Variants in STAB2 observed in about 807,000 individuals in gnomAD.
The protein encoded by STAB2 is stabilin-2.
STAB2 carries 288 observed loss-of-function variants against 338.1 expected under a neutral mutation model. The observed-to-expected ratio is 0.85, with a 90% confidence interval of 0.77 to 0.94. The LOEUF (loss-of-function observed/expected upper bound fraction) is 0.94, where lower values mean the gene tolerates loss of function less well. STAB2 is among the 40% of genes least tolerant of loss of function. STAB2 has a pLI of 0.00. For missense variants in STAB2, 3,141 were observed against 3,210.1 expected, an observed-to-expected ratio of 0.98 and a Z score of 0.52; for synonymous variants, 1,202 against 1,193.3, an observed-to-expected ratio of 1.01 and a Z score of -0.15.
At chr12:103,621,587 C>T (rs1270640172) in intron 4 of STAB2, among the ~76,000 whole-genome samples, 2 of 152,108 alleles carry the variant, frequency 1.3e-5, no homozygotes, top group Non-Finnish European at 1.5e-5. Flanking sequence ...CAAAAATTAT[C>T]CGGGTGTGGT....
At position 103,631,501 on chromosome 12, in the gene STAB2, A is replaced by G. The variant is rs531410835; in HGVS notation, c.488-97A>G. On this transcript the variant is annotated intron_variant, in intron 5 of 68. Coordinates refer to ENST00000388887, the MANE Select transcript of STAB2 (RefSeq NM_017564.10). ...AGGAGCCAAAGTTCAAACAACATGC[A>G]GAGTCTCAGCAAAGATGATCTAAAA... The G allele has an allele frequency of 2.5e-6, 3 of 1,186,146 alleles. No homozygotes were observed. In the Admixed American group the frequency reaches 5.4e-5, roughly 21 times the overall value. 73.5% of individuals were successfully genotyped at this position (1,186,146 alleles called of 1,614,324 possible).
chr12:103,652,771 C>T (rs1169883289), intron 12 of STAB2, 66 bp downstream of exon 12: 33 of 1,432,564 alleles, frequency 2.3e-5, no homozygotes, highest in Non-Finnish European at 2.9e-5. Flanking sequence ...CCATATCCTT[C>T]TCTCTCTTTT....
intron 33 of STAB2, 22 bp from the exon 34 acceptor site, chr12:103,699,074 T>G (rs781033834): frequency 6.3e-7 from 1 of 1,599,602 alleles, no homozygotes; most frequent in Non-Finnish European, 8.5e-7. Context: ...TTGACTGACT[T>G]CCAATTCTGT....
At chr12:103,756,996 A>AATATATATATATATATATATAT (rs869105400) in intron 63 of STAB2, among the ~76,000 whole-genome samples, 11 of 56,334 alleles carry the variant, frequency 2.0e-4, no homozygotes, top group South Asian at 2.2e-3. Context: ...AAGGAGGGAA[A>AATATATATATATATATATATAT]ATATATATAT....
chr12:103,604,123 T>C (rs1489201316), intron 3 of STAB2, among the ~76,000 whole-genome samples: 1 of 152,172 alleles, frequency 6.6e-6, no homozygotes, highest in Non-Finnish European at 1.5e-5. Flanking sequence ...TTTGGAATTT[T>C]CTCCATAGAC....
At chr12:103,744,809 G>A (rs536899134) in intron 56 of STAB2, among the ~76,000 whole-genome samples, 14 of 152,094 alleles carry the variant, frequency 9.2e-5, no homozygotes, top group Non-Finnish European at 1.8e-4. Context: ...CCATCAGGAA[G>A]CCCCAGATGA....
chr12:103,675,104 G>A (rs1047565294), intron 23 of STAB2, among the ~76,000 whole-genome samples: 7 of 152,160 alleles, frequency 4.6e-5, no homozygotes, highest in Admixed American at 1.3e-4. Context: ...TTTTGTTCCT[G>A]TAGGAAGCTT....
At chr12:103,753,380 G>A (rs368414924) in intron 61 of STAB2, 27 bp downstream of exon 61, 8 of 1,614,040 alleles carry the variant, frequency 5.0e-6, no homozygotes, top group African/African-American at 2.7e-5. Context: ...CAGATTCTGT[G>A]CAGACAGAGT....
rs767678084 is a variant in STAB2, at chr12:103,762,407, G to C, written c.7488+5G>C. On this transcript the variant is annotated splice_donor_5th_base_variant and intron_variant, in intron 67 of 68. Transcript: ENST00000388887. ...ATCGGCTTCCAGCATTTTGAGGTAA[G>C]AGAGAAAAATGGGAACATGATGATG... 1 of 1,614,204 alleles carries C rather than the reference G, an allele frequency of 6.2e-7. No individual in the cohort carries two copies. The highest frequency in any genetic ancestry group is 1.1e-5 in the South Asian group (1 of 91,084).
intron 12 of STAB2, among the ~76,000 whole-genome samples, chr12:103,653,564 A>T (rs1444520009): frequency 6.6e-6 from 1 of 151,300 alleles, no homozygotes; most frequent in African/African-American, 2.4e-5. Context: ...GGATACATGG[A>T]TAGGTCACTG....
At chr12:103,710,162 C>T (rs1043873862) in intron 39 of STAB2, among the ~76,000 whole-genome samples, 2 of 152,310 alleles carry the variant, frequency 1.3e-5, no homozygotes, top group South Asian at 2.1e-4. Context: ...CACCCCAGCT[C>T]CTCCCCAGAA....
chr12:103,728,990 T>C lies in STAB2; in HGVS notation c.5077T>C (p.Ser1693Pro). 11 of 1,613,846 alleles carry C rather than the reference T, an allele frequency of 6.8e-6. No individual in the cohort carries two copies. Among genetic ancestry groups the C allele is most frequent in the Non-Finnish European group, 9.3e-6 (11 of 1,179,782 alleles). Residue 1693 changes from serine (S) to proline (P), a missense_variant, in exon 48 of 69, where the codon TCT becomes CCT. Transcript: ENST00000388887. ...LQGEPIVISV[S>P]QSTVYINNKA... ...AGGAGAGCCAATAGTCATCTCCGTC[T>C]CTCAGGTAGATGCCAGTTATCCTTA...
At chr12:103,636,828 TATC>T (rs2138682668) in intron 6 of STAB2, among the ~76,000 whole-genome samples, 1 of 152,306 alleles carries the variant, frequency 6.6e-6, no homozygotes, top group Admixed American at 6.5e-5. Context: ...TTTCATAATA[TATC>T]GTTAAATTAA....
At chr12:103,699,022 G>A in intron 33 of STAB2, 74 bp from the exon 34 acceptor site, 1 of 1,528,966 alleles carries the variant, frequency 6.5e-7, no homozygotes, top group Non-Finnish European at 8.8e-7. Flanking sequence ...TCTCCACAGT[G>A]ACAGCACATG....
chr12:103,590,756 A>G (rs1396728508), intron 1 of STAB2, 141 bp from the exon 2 acceptor site: 17 of 962,454 alleles, frequency 1.8e-5, no homozygotes, highest in Non-Finnish European at 2.7e-5. Flanking sequence ...CAAACCAGTC[A>G]TTACCAATCA....
At chr12:103,734,960 C>A (rs992803205) in intron 51 of STAB2, among the ~76,000 whole-genome samples, 1 of 152,170 alleles carries the variant, frequency 6.6e-6, no homozygotes, top group East Asian at 1.9e-4. Context: ...TGTGCCTTCA[C>A]GTAGCATTTG....
chr12:103,683,429 C>A, intron 26 of STAB2, 129 bp downstream of exon 26: 1 of 743,052 alleles, frequency 1.3e-6, no homozygotes, highest in Non-Finnish European at 2.1e-6. Flanking sequence ...AATCTCTAAG[C>A]AGAATGCGAG....
intron 2 of STAB2, among the ~76,000 whole-genome samples, chr12:103,593,935 C>T (rs573363385): frequency 6.6e-6 from 1 of 152,352 alleles, no homozygotes; most frequent in Non-Finnish European, 1.5e-5. Flanking sequence ...CTGCATTATA[C>T]TGCCTTTGCC....
chr12:103,632,689 C>A (rs965135298), intron 6 of STAB2, among the ~76,000 whole-genome samples: 2 of 152,150 alleles, frequency 1.3e-5, no homozygotes, highest in African/African-American at 4.8e-5. Flanking sequence ...ACAGACCCTG[C>A]AGCAGCAGCA....
Sources: allele counts gnomAD v4.1 joint callset (sites outside exome capture counted in the v4.1 genomes callset), GRCh38; gene constraint gnomAD v4.1.1; transcripts MANE v1.5; gene names NCBI Gene and HGNC (gene_info 2026-07-23, HGNC 2026-07-21).